Variants in LCOR observed in about 807,000 individuals in gnomAD.
LCOR encodes the protein ligand-dependent corepressor.
Under a neutral mutation model 64.4 loss-of-function variants are expected in LCOR, and 14 were observed. The ratio of observed to expected loss-of-function variants is 0.22; its 90% CI spans 0.14 to 0.34. The LOEUF is 0.34. LCOR is among the 10% of genes least tolerant of loss of function. The pLI is 1.00. For missense variants in LCOR, 1,686 were observed against 1,765.3 expected, an observed-to-expected ratio of 0.96 and a Z score of 0.80; for synonymous variants, 643 against 642.5, an observed-to-expected ratio of 1.00 and a Z score of -0.01.
At chr10:96,979,440 G>A (rs1372785568) in intron 7 of LCOR, among the ~76,000 whole-genome samples, 30 of 152,370 alleles carry the variant, frequency 2.0e-4, no homozygotes. Context: ...GGTATTGCCT[G>A]TGGCATGTCT....
At position 96,879,477 on chromosome 10, in the gene LCOR, TC is replaced by T. The variant is rs1302025848; in HGVS notation, c.-329-27786del. Among the ~76,000 whole-genome samples the T allele has an allele frequency of 7.2e-5, 11 of 152,198 alleles. 1 individual carries two copies. Among genetic ancestry groups the T allele is most frequent in the Non-Finnish European group, 1.6e-4 (11 of 68,030 alleles). On this transcript the variant is annotated intron_variant, in intron 2 of 7. Coordinates refer to ENST00000421806, the MANE Select transcript of LCOR (RefSeq NM_001346516.2). ...ACAGAGTTTGTGGCTAATGAGTACT[TC>T]CGTAGCTTTAAAAATCATAGTTATT...
chr10:96,924,552 A>C (rs763577756), intron 4 of LCOR, among the ~76,000 whole-genome samples: 1 of 151,944 alleles, frequency 6.6e-6, no homozygotes, highest in Non-Finnish European at 1.5e-5. Context: ...ACATTAAAAA[A>C]TTTTTTATTT....
chr10:96,981,820 A>G lies in LCOR; in HGVS notation c.1360A>G (p.Lys454Glu). 6.2e-7 allele frequency: 1 copy of G among 1,614,266 alleles called. No individual in the cohort carries two copies. Among genetic ancestry groups the G allele is most frequent in the African/African-American group, 1.3e-5 (1 of 75,072 alleles). Residue 454 changes from lysine to glutamate, a missense_variant, in exon 8 of 8, where the codon AAA (lysine) becomes GAA (glutamate). Physicochemically the swap from Lys to Glu is moderately conservative, Grantham distance 56 (BLOSUM62 1). Coordinates refer to ENST00000421806, the MANE Select transcript of LCOR (RefSeq NM_001346516.2). The part of the protein sequence containing the change: ...MISTSIKTAR[K>E]SKRASGLRIN... ...ATCAACCTCCATCAAGACAGCTCGG[A>G]AAAGTAAAAGGGCATCAGGGCTGAG...
At chr10:96,851,810 CGTT>C (rs1336878939) in intron 2 of LCOR, among the ~76,000 whole-genome samples, 2 of 152,206 alleles carry the variant, frequency 1.3e-5, no homozygotes, top group African/African-American at 4.8e-5. Context: ...GAAAGCCTGA[CGTT>C]GTTGTTGTTT....
chr10:96,977,553 T>A (rs1207724892), intron 7 of LCOR, among the ~76,000 whole-genome samples: 1 of 152,230 alleles, frequency 6.6e-6, no homozygotes, highest in African/African-American at 2.4e-5. Flanking sequence ...AAAATTTGAA[T>A]CTTTAAATAT....
chr10:96,864,034 T>C (rs1341603326), intron 2 of LCOR, among the ~76,000 whole-genome samples: 1 of 152,224 alleles, frequency 6.6e-6, no homozygotes, highest in Non-Finnish European at 1.5e-5. Flanking sequence ...GTTATGTTTC[T>C]ACAGCTAATG....
At chr10:96,977,906 A>G (rs1012548191) in intron 7 of LCOR, among the ~76,000 whole-genome samples, 1 of 152,204 alleles carries the variant, frequency 6.6e-6, no homozygotes. Context: ...TGATATTTGT[A>G]TAAACTTTGT....
At chr10:96,881,129 A>G (rs571273245) in intron 2 of LCOR, among the ~76,000 whole-genome samples, 7 of 152,148 alleles carry the variant, frequency 4.6e-5, no homozygotes, top group Admixed American at 3.9e-4. Flanking sequence ...TGAAATATTT[A>G]TTATCTGGCC....
intron 2 of LCOR, among the ~76,000 whole-genome samples, chr10:96,864,296 T>C (rs1845934757): frequency 6.6e-6 from 1 of 152,228 alleles, no homozygotes; most frequent in African/African-American, 2.4e-5. Context: ...TAATGACTCA[T>C]AGATGGTAAT....
At chr10:96,919,359 ATTAGACT>A (rs977227801) in intron 4 of LCOR, among the ~76,000 whole-genome samples, 3 of 151,996 alleles carry the variant, frequency 2.0e-5, no homozygotes, top group African/African-American at 7.2e-5. Context: ...GTATTTGCAC[ATTAGACT>A]TTCTTTGTTC....
chr10:96,926,414 TCA>T (rs1483326653), intron 4 of LCOR, among the ~76,000 whole-genome samples: 1 of 152,214 alleles, frequency 6.6e-6, no homozygotes, highest in Admixed American at 6.5e-5. Flanking sequence ...TTGAAAATAA[TCA>T]CATATCTTTG....
At chr10:96,966,220 CTTTTTTTTTTT>C (rs34210121) in intron 7 of LCOR, among the ~76,000 whole-genome samples, 202 of 55,138 alleles carry the variant, frequency 3.7e-3, no homozygotes, top group Non-Finnish European at 5.4e-3. Context: ...CCAAAGGACT[CTTTTTTTTTTT>C]TTTTTTTTTT....
intron 7 of LCOR, among the ~76,000 whole-genome samples, chr10:96,971,523 G>A (rs1458581678): frequency 2.0e-5 from 3 of 152,262 alleles, no homozygotes; most frequent in South Asian, 2.1e-4. Context: ...AGCAGCATAA[G>A]TACTGTTTAA....
chr10:96,963,823 C>A (rs1027641579), intron 7 of LCOR: 1 of 152,180 alleles, frequency 6.6e-6, no homozygotes, highest in Non-Finnish European at 1.5e-5. Flanking sequence ...TGATATCTTA[C>A]ATCTAAAATA....
Position 96,984,251 on chromosome 10 carries a change from A to G in LCOR, c.3791A>G (p.Asn1264Ser), listed in dbSNP as rs771331717. 1 of 1,614,188 alleles carries G rather than the reference A, an allele frequency of 6.2e-7. No homozygotes were observed. The highest frequency in any genetic ancestry group is 8.5e-7 in the Non-Finnish European group (1 of 1,180,026). Residue 1264 changes from asparagine to serine, a missense_variant, in exon 8 of 8, where the codon AAT (asparagine) becomes AGT (serine). Around this residue, in one of 3 missense-constraint regions of LCOR, gnomAD observed 1,293 missense variants for 1,410.4 expected, o/e 0.92. Coordinates refer to ENST00000421806, the MANE Select transcript of LCOR (RefSeq NM_001346516.2). ...AAGCTCTGGGCCAAATTTCGAGAGA[A>G]TCCTGATCAAGTGGAGCCAGAAGAT... ...MQKLWAKFRE[N>S]PDQVEPEDGS...
chr10:96,962,497 TGAG>T (rs1441139722), intron 7 of LCOR: 2 of 152,138 alleles, frequency 1.3e-5, no homozygotes, highest in Non-Finnish European at 2.9e-5. Context: ...ATTTCTAAAA[TGAG>T]GGGGGATGAT....
chr10:96,920,632 A>G (rs1332339731), intron 4 of LCOR, among the ~76,000 whole-genome samples: 1 of 146,950 alleles, frequency 6.8e-6, no homozygotes, highest in East Asian at 2.0e-4. Context: ...ATGTATGTAC[A>G]TTCATATATG....
chr10:96,856,767 G>A (rs1845811770), intron 2 of LCOR, among the ~76,000 whole-genome samples: 1 of 151,846 alleles, frequency 6.6e-6, no homozygotes, highest in South Asian at 2.1e-4. Flanking sequence ...GTGAGCCACT[G>A]TGCCCAGCTA....
intron 2 of LCOR, among the ~76,000 whole-genome samples, chr10:96,836,746 T>C (rs934905755): frequency 3.3e-5 from 5 of 152,326 alleles, no homozygotes; most frequent in Admixed American, 1.3e-4. Flanking sequence ...AGAAATGGCA[T>C]GAGCAAAAGT....
Sources: gnomAD v4.1 joint callset for allele counts (sites outside exome capture counted in the v4.1 genomes callset) on GRCh38, gnomAD v4.1.1 for gene constraint, gnomAD v4.1.1 regional missense constraint, MANE v1.5 for transcripts, NCBI Gene and HGNC (gene_info 2026-07-23, HGNC 2026-07-21) for gene names.